Variants in CMYA5 observed in about 807,000 individuals in gnomAD.
The protein encoded by CMYA5 is cardiomyopathy-associated protein 5.
A neutral mutation model predicts 318.9 loss-of-function variants in CMYA5; 246 were observed. That is an observed-to-expected ratio of 0.77 (90% CI 0.70 to 0.86). CMYA5 has a LOEUF of 0.86. Among genes scored for constraint, CMYA5 ranks in the 40% least tolerant of loss-of-function variants. CMYA5 has a pLI of 0.00. For synonymous variants in CMYA5, 1,641 were observed against 1,729.5 expected, an observed-to-expected ratio of 0.95 and a Z score of 1.27; for missense variants, 4,589 against 4,678.2, an observed-to-expected ratio of 0.98 and a Z score of 0.56.
intron 1 of CMYA5, among the ~76,000 whole-genome samples, chr5:79,696,323 T>C (rs1339060803): frequency 6.6e-6 from 1 of 152,196 alleles, no homozygotes; most frequent in African/African-American, 2.4e-5. Context: ...AAAATAAGAA[T>C]AGGCTTTGCT....
rs137896497 is a variant in CMYA5, at chr5:79,772,728, G to C, written c.11555+9519G>C. 4.7e-3 allele frequency among the ~76,000 whole-genome samples: 716 copies of C among 152,166 alleles called. 7 individuals are homozygous for C. The highest frequency in any genetic ancestry group is 0.015 in the African/African-American group (621 of 41,518). ...CTGCAAAACTCATTTTTATCTCTTT[G>C]GTTCTTTAATGTAAGAGTTCAAGAC... On this transcript the variant is annotated intron_variant, in intron 9 of 12. Transcript: ENST00000446378.
intron 9 of CMYA5, among the ~76,000 whole-genome samples, chr5:79,785,122 A>G (rs992351073): frequency 6.6e-6 from 1 of 151,426 alleles, no homozygotes; most frequent in African/African-American, 2.4e-5. Context: ...TCAAGAGACT[A>G]TATGTTTGGG....
At chr5:79,770,485 G>A (rs1239112088) in intron 9 of CMYA5, among the ~76,000 whole-genome samples, 2 of 152,230 alleles carry the variant, frequency 1.3e-5, no homozygotes, top group Non-Finnish European at 2.9e-5. Flanking sequence ...CATGGGAAAA[G>A]CGTAGTATCC....
At chr5:79,701,115 G>A (rs538129182) in intron 1 of CMYA5, among the ~76,000 whole-genome samples, 25 of 125,994 alleles carry the variant, frequency 2.0e-4, no homozygotes, top group Non-Finnish European at 2.9e-4. Context: ...AAAATTAGCC[G>A]AGTGTGGTAG....
chr5:79,722,599 C>G (rs930438339), intron 1 of CMYA5, among the ~76,000 whole-genome samples: 3 of 150,718 alleles, frequency 2.0e-5, no homozygotes, highest in Non-Finnish European at 2.9e-5. Flanking sequence ...AATTGCTTGA[C>G]CCAGGAGGCG....
At chr5:79,793,353 G>A (rs1829210709) in intron 11 of CMYA5, 84 bp from the exon 12 acceptor site, 1 of 1,339,212 alleles carries the variant, frequency 7.5e-7, no homozygotes, top group South Asian at 1.3e-5. Flanking sequence ...TGCCTAAACT[G>A]TGTGAGTTTG....
intron 2 of CMYA5, among the ~76,000 whole-genome samples, chr5:79,742,550 T>C (rs1400168225): frequency 1.3e-5 from 2 of 152,166 alleles, no homozygotes; most frequent in Non-Finnish European, 2.9e-5. Flanking sequence ...TTTTCTAGCA[T>C]CTTAAGGGCA....
At chr5:79,720,427 AATTTTTTTTTTTT>A (rs1378792548) in intron 1 of CMYA5, among the ~76,000 whole-genome samples, 1 of 136,806 alleles carries the variant, frequency 7.3e-6, no homozygotes, top group Non-Finnish European at 1.5e-5. Context: ...CTGCCAATCT[AATTTTTTTTTTTT>A]TTTTTTTTTT....
chr5:79,746,327 C>G (rs903292564), intron 4 of CMYA5, among the ~76,000 whole-genome samples: 1 of 152,142 alleles, frequency 6.6e-6, no homozygotes, highest in Non-Finnish European at 1.5e-5. Flanking sequence ...CTGGGGACAG[C>G]TCTTGCCAGG....
chr5:79,789,572 G>T (rs191069162), intron 10 of CMYA5, among the ~76,000 whole-genome samples: 2 of 151,976 alleles, frequency 1.3e-5, no homozygotes, highest in Non-Finnish European at 2.9e-5. Flanking sequence ...TTACAGGCAC[G>T]TCCACCATGC....
At chr5:79,700,178 T>C (rs1184635593) in intron 1 of CMYA5, among the ~76,000 whole-genome samples, 3 of 152,230 alleles carry the variant, frequency 2.0e-5, no homozygotes, top group Admixed American at 1.3e-4. Context: ...GTCAATCTCA[T>C]AAGTTTCCTT....
chr5:79,791,099 T>C (rs1322643758), intron 11 of CMYA5, 30 bp downstream of exon 11: 1 of 1,504,488 alleles, frequency 6.6e-7, no homozygotes, highest in Non-Finnish European at 9.2e-7. Context: ...ACAAGTGGGC[T>C]GATGGCCCAG....
intron 2 of CMYA5, among the ~76,000 whole-genome samples, 180 bp downstream of exon 2, chr5:79,739,583 C>A (rs1828169877): frequency 6.6e-6 from 1 of 152,126 alleles, no homozygotes; most frequent in Admixed American, 6.6e-5. Context: ...GACAGACATT[C>A]ATTGAGTACA....
chr5:79,785,755 C>T (rs1263539142), intron 9 of CMYA5, among the ~76,000 whole-genome samples: 1 of 152,128 alleles, frequency 6.6e-6, no homozygotes, highest in Non-Finnish European at 1.5e-5. Context: ...TTTTTAACCT[C>T]ATGTTTCTCT....
At chr5:79,727,168 G>A (rs111586318) in intron 1 of CMYA5, among the ~76,000 whole-genome samples, 3,714 of 152,064 alleles carry the variant, frequency 0.024, 160 homozygotes, top group African/African-American at 0.086. Flanking sequence ...CACCCGCCTC[G>A]GCCTCCCAAA....
rs1442297072 is a variant in CMYA5 at position 79,734,150 on chromosome 5, C to T, written c.5385C>T (p.Gly1795=). The T allele has an allele frequency of 7.4e-6, 12 of 1,613,632 alleles. No homozygotes were observed. Among genetic ancestry groups the T allele is most frequent in the Middle Eastern group, 1.6e-4 (1 of 6,082 alleles). The change falls in exon 2 of 13, where the codon GGC becomes GGT. Residue 1795 remains glycine, a synonymous_variant. Coordinates refer to ENST00000446378, the MANE Select transcript of CMYA5 (RefSeq NM_153610.5). ...TAGATAAGCTAAGTGAAGAAACAGG[C>T]CACCCAAATTCATCCCAGGTACTCC... ...DILDKLSEET[G]HPNSSQVLQS... is the part of the protein sequence containing the mutation.
At chr5:79,777,819 T>C (rs1828968327) in intron 9 of CMYA5, among the ~76,000 whole-genome samples, 1 of 151,936 alleles carries the variant, frequency 6.6e-6, no homozygotes, top group South Asian at 2.1e-4. Flanking sequence ...TTTTATTTTA[T>C]TGTTTTAAGA....
Position 79,799,859 on chromosome 5 carries a change from CTTTCCT to C in CMYA5, c.*244_*249del. ...TCTTTAGTTTATATAAGTTTGAGTT[CTTTCCT>C]AAATTAAAAGATCTACACTTGAGTT... On this transcript the variant is annotated 3_prime_UTR_variant, in exon 13 of 13. Transcript: ENST00000446378. 1.0e-5 allele frequency: 2 copies of C among 191,146 alleles called. No homozygotes were observed. Among genetic ancestry groups the C allele is most frequent in the Non-Finnish European group, 1.9e-5 (2 of 105,600 alleles). 11.8% of individuals were successfully genotyped at this position (191,146 alleles called of 1,614,324 possible).
chr5:79,716,953 A>G (rs1827530508), intron 1 of CMYA5, among the ~76,000 whole-genome samples: 2 of 152,224 alleles, frequency 1.3e-5, no homozygotes, highest in South Asian at 4.1e-4. Flanking sequence ...ACCATATGGT[A>G]ATCTTGCTGT....
Sources: allele counts gnomAD v4.1 joint callset (sites outside exome capture counted in the v4.1 genomes callset), GRCh38; gene constraint gnomAD v4.1.1; transcripts MANE v1.5; gene names NCBI Gene and HGNC (gene_info 2026-07-23, HGNC 2026-07-21).